Variants in ECHDC2 observed in about 807,000 individuals in gnomAD.
The protein encoded by ECHDC2 is enoyl-CoA hydratase domain containing 2.
A neutral mutation model predicts 40.6 loss-of-function variants in ECHDC2; 34 were observed. That is an observed-to-expected ratio of 0.84 (90% CI 0.64 to 1.11). ECHDC2 has a LOEUF of 1.11. Ranked by LOEUF, ECHDC2 falls within the 50% of genes most tolerant of loss-of-function variation. The pLI, the probability that ECHDC2 is intolerant of heterozygous loss-of-function variation, is 0.00. For synonymous variants in ECHDC2, 162 were observed against 166.6 expected (o/e 0.97, Z 0.21); for missense variants, 392 against 400.7 (o/e 0.98, Z 0.19).
chr1:52,896,076 G>A lies in ECHDC2; in HGVS notation c.*444C>T, dbSNP rs1303935117. On this transcript the variant is annotated 3_prime_UTR_variant, in exon 10 of 10. Transcript: ENST00000371522. Reference sequence around the variant, plus strand: ...GACTGGGATCTGCAGTCTGACCCCTGACACATGTTCAACCGATGTCAGAGT... The same window carrying A: ...GACTGGGATCTGCAGTCTGACCCCTAACACATGTTCAACCGATGTCAGAGT... The A allele has an allele frequency of 5.9e-6, 1 of 168,754 alleles. No homozygotes were observed. The highest frequency in any genetic ancestry group is 2.4e-5 in the African/African-American group (1 of 42,116). 10.5% of individuals were successfully genotyped at this position (168,754 alleles called of 1,614,324 possible). A position where few individuals can be genotyped will look rare whatever the true frequency, so the allele number is the denominator to read the frequency against.
chr1:52,907,955 C>CTGCA lies in ECHDC2; in HGVS notation c.278-5_278-2dup. On this transcript the variant is annotated splice_acceptor_variant, in intron 3 of 9. Transcript: ENST00000371522. LOFTEE classifies it high-confidence loss of function. ...TGTTCCCGCTCCTTCAGGTCTGCAC[C>CTGCA]TGCAGATGGCGAGGGTTGGTACCAG... 1 of 1,614,054 alleles carries CTGCA rather than the reference C, an allele frequency of 6.2e-7. No homozygotes were observed. Among genetic ancestry groups the CTGCA allele is most frequent in the Non-Finnish European group, 8.5e-7 (1 of 1,179,972 alleles).
At chr1:52,898,835 CT>C (rs1646804098) in intron 8 of ECHDC2, 2 of 405,822 alleles carry the variant, frequency 4.9e-6, no homozygotes, top group African/African-American at 4.1e-5. Context: ...GGCCACATTA[CT>C]GCCAGCACAA....
chr1:52,897,434 T>A lies in ECHDC2; in HGVS notation c.801+3A>T, dbSNP rs201852976. On this transcript the variant is annotated splice_donor_region_variant and intron_variant, in intron 9 of 9. Coordinates refer to ENST00000371522, the MANE Select transcript of ECHDC2 (RefSeq NM_001198961.2). ...AAGCAGGCATGGGCTGGTTGCTACA[T>A]ACCTGGGCATAGCACATCCCTTCAA... 31 of 1,614,124 alleles carry A rather than the reference T, an allele frequency of 1.9e-5. No homozygotes were observed. The highest frequency in any genetic ancestry group is 2.6e-5 in the Non-Finnish European group (31 of 1,179,980).
At position 52,904,689 on chromosome 1, in the gene ECHDC2, G is replaced by A. The variant is rs1374342987; in HGVS notation, c.659C>T (p.Ala220Val). ...GGCCAGTGCTCGTGCCCGCTGGTAG[G>A]CGGCGTCCCCCTCCTCGTTCTGGGC... The part of the protein sequence containing the change: ...AVAQNEEGDA[A>V]YQRARALAQE... The change falls in exon 7 of 10, where the codon GCC becomes GTC. Residue 220 changes from alanine to valine, a missense_variant. Ala to Val is a moderately conservative substitution (Grantham distance 64). Transcript: ENST00000371522. 6.2e-7 allele frequency: 1 copy of A among 1,610,956 alleles called. No homozygotes were observed. The highest frequency in any genetic ancestry group is 8.5e-7 in the Non-Finnish European group (1 of 1,179,174).
At chr1:52,918,772 A>G (rs1251018199) in intron 1 of ECHDC2, among the ~76,000 whole-genome samples, 1 of 152,192 alleles carries the variant, frequency 6.6e-6, no homozygotes, top group Non-Finnish European at 1.5e-5. Flanking sequence ...AAACATTTGT[A>G]AAGCAAATTT....
At position 52,899,178 on chromosome 1, in the gene ECHDC2, G is replaced by C. The variant is rs755455022; in HGVS notation, c.749C>G (p.Thr250Arg). 34 of 1,614,026 alleles carry C rather than the reference G, an allele frequency of 2.1e-5. No homozygotes were observed. The highest frequency in any genetic ancestry group is 2.9e-5 in the Non-Finnish European group (34 of 1,180,050). The change falls in exon 8 of 10, where the codon ACG (threonine) becomes AGG (arginine). Residue 250 changes from threonine (T) to arginine (R), a missense_variant. Physicochemically the swap from Thr to Arg is moderately conservative, Grantham distance 71. Coordinates refer to ENST00000371522, the MANE Select transcript of ECHDC2 (RefSeq NM_001198961.2). ...CCCAACCCAAAACCCTCTCACCTCC[G>C]TTCCTCGGTCAATGGCTACTTTGCC... The part of the protein sequence containing the change: ...RLGKVAIDRG[T>R]EVDIASGMAI...
intron 5 of ECHDC2, 102 bp from the exon 6 acceptor site, chr1:52,905,192 C>G (rs919344136): frequency 6.8e-6 from 9 of 1,315,756 alleles, no homozygotes; most frequent in Non-Finnish European, 9.6e-6. Flanking sequence ...CCCCTCTAGC[C>G]ACTTGCCCCA....
At position 52,911,565 on chromosome 1, in the gene ECHDC2, C is replaced by G. The variant is rs766339893; in HGVS notation, c.277+1G>C. ...AGATGGGGGCAGGAGAGAGAACCTACCTGCACAGAACACGCCCTTCACTCC... is the reference window on the plus strand; with the variant it reads ...AGATGGGGGCAGGAGAGAGAACCTAGCTGCACAGAACACGCCCTTCACTCC... On this transcript the variant is annotated splice_donor_variant, in intron 3 of 9. Coordinates refer to ENST00000371522, the MANE Select transcript of ECHDC2 (RefSeq NM_001198961.2). LOFTEE classifies it high-confidence loss of function. The G allele has an allele frequency of 1.2e-6, 2 of 1,613,386 alleles. No homozygotes were observed. Among genetic ancestry groups the G allele is most frequent in the South Asian group, 1.1e-5 (1 of 91,042 alleles).
At chr1:52,906,648 T>A (rs1410580572) in intron 4 of ECHDC2, 37 bp from the exon 5 acceptor site, 3 of 1,552,470 alleles carry the variant, frequency 1.9e-6, no homozygotes. Flanking sequence ...TGCAAAGCCC[T>A]GGTGGGACCA....
chr1:52,913,719 C>T (rs1310787910), intron 1 of ECHDC2: 1 of 164,866 alleles, frequency 6.1e-6, no homozygotes, highest in Non-Finnish European at 1.3e-5. Flanking sequence ...TCCCCATCCC[C>T]CACCAGAGGC....
In ECHDC2 at chr1:52,911,992, C is replaced by T. The variant is rs950039711; in HGVS notation, c.122-202G>A. 7.0e-6 allele frequency: 10 copies of T among 1,426,488 alleles called. No individual in the cohort carries two copies. In the African/African-American group the frequency reaches 1.2e-4, roughly 16 times the overall value. 88.4% of individuals were successfully genotyped at this position (1,426,488 alleles called of 1,614,324 possible). A position where few individuals can be genotyped will look rare whatever the true frequency, so the allele number is the denominator to read the frequency against. ...GAGAGAAAAACCCTTGCTCTTTCTG[C>T]CTCAGAGAGAAAGTGGAAGGACTTG... On this transcript the variant is annotated intron_variant, in intron 1 of 9. Transcript: ENST00000371522.
chr1:52,907,613 G>T, intron 4 of ECHDC2: 1 of 426,460 alleles, frequency 2.3e-6, no homozygotes, highest in Non-Finnish European at 4.1e-6. Flanking sequence ...GCATGCTTGG[G>T]GAAACTTAAC....
intron 7 of ECHDC2, 86 bp from the exon 8 acceptor site, chr1:52,899,310 G>T: frequency 7.7e-7 from 1 of 1,290,828 alleles, no homozygotes. Context: ...TTTTAAAGGA[G>T]GGAGGCAGAT....
intron 1 of ECHDC2, chr1:52,917,465 A>G: frequency 2.3e-6 from 1 of 438,584 alleles, no homozygotes; most frequent in South Asian, 1.6e-5. Context: ...GGGAGTTCCA[A>G]AAAGATTTCC....
At chr1:52,916,160 C>T (rs904023813) in intron 1 of ECHDC2, among the ~76,000 whole-genome samples, 2 of 152,150 alleles carry the variant, frequency 1.3e-5, no homozygotes, top group Non-Finnish European at 2.9e-5. Context: ...TGACTTCTGA[C>T]GTACAGAAAC....
At position 52,915,374 on chromosome 1, in the gene ECHDC2, G is replaced by T. The variant is rs79641606; in HGVS notation, c.122-3584C>A. On this transcript the variant is annotated intron_variant, in intron 1 of 9. Coordinates refer to ENST00000371522, the MANE Select transcript of ECHDC2 (RefSeq NM_001198961.2). ...ACAGAAAGGCCAATGAAAGTTTCTG[G>T]GCTCTCAAGGGACAGGGTGTTCAGC... is the stretch of plus-strand genomic sequence containing the variant. 6.3e-4 allele frequency: 288 copies of T among 455,954 alleles called. 1 individual carries two copies. Among genetic ancestry groups the T allele is most frequent in the African/African-American group, 5.4e-3 (271 of 50,162 alleles). 28.2% of individuals were successfully genotyped at this position (455,954 alleles called of 1,614,324 possible).
chr1:52,909,594 G>C (rs1267594536), intron 3 of ECHDC2, among the ~76,000 whole-genome samples: 1 of 151,850 alleles, frequency 6.6e-6, no homozygotes, highest in Non-Finnish European at 1.5e-5. Context: ...ATTTGTGTTG[G>C]GCCACATTCA....
intron 1 of ECHDC2, among the ~76,000 whole-genome samples, chr1:52,917,068 C>T (rs889771143): frequency 6.6e-6 from 1 of 151,620 alleles, no homozygotes; most frequent in Admixed American, 6.6e-5. Flanking sequence ...ACTAAAAAGA[C>T]AAAAATTAGC....
intron 7 of ECHDC2, chr1:52,901,415 A>AG (rs1362328580): frequency 6.7e-5 from 10 of 150,342 alleles, no homozygotes; most frequent in African/African-American, 2.3e-4. Context: ...TAAAAAGAAA[A>AG]GAAAAAAAAC....
Sources: gnomAD v4.1 joint callset for allele counts (sites outside exome capture counted in the v4.1 genomes callset) on GRCh38, gnomAD v4.1.1 for gene constraint, MANE v1.5 for transcripts, NCBI Gene and HGNC (gene_info 2026-07-23, HGNC 2026-07-21) for gene names.